ALPK3: variants seen among roughly 807,000 people sequenced by gnomAD.
ALPK3 encodes the protein alpha-protein kinase 3.
A neutral mutation model predicts 140.0 loss-of-function variants in ALPK3; 102 were observed. That is an observed-to-expected ratio of 0.73 (90% confidence interval 0.62 to 0.86). ALPK3 has a LOEUF of 0.86. Among genes scored for constraint, ALPK3 ranks in the 40% least tolerant of loss-of-function variants. The pLI, the probability that ALPK3 is intolerant of heterozygous loss-of-function variation, is 0.00. For missense variants in ALPK3, 2,254 were observed against 2,208.2 expected (o/e 1.02, Z -0.42); for synonymous variants, 938 against 898.5 (o/e 1.04, Z -0.79).
Position 84,839,707 on chromosome 15 carries a change from GAGA to G in ALPK3, c.435_437del (p.Glu145del). The G allele has an allele frequency of 6.2e-7, 1 of 1,601,840 alleles. No individual in the cohort carries two copies. The highest frequency in any genetic ancestry group is 8.5e-7 in the Non-Finnish European group (1 of 1,172,492). The stretch of plus-strand genomic sequence containing the variant: ...CCTCCCGCTCCTACCTCTAGGTGTC[GAGA>G]AGAAGATGCCGCCATCTACCAGGCC... On this transcript the variant is annotated inframe_deletion, in exon 5 of 14. Coordinates refer to ENST00000258888, the MANE Select transcript of ALPK3 (RefSeq NM_020778.5).
At chr15:84,841,231 A>G (rs896537032) in intron 5 of ALPK3, among the ~76,000 whole-genome samples, 1 of 152,160 alleles carries the variant, frequency 6.6e-6, no homozygotes, top group Non-Finnish European at 1.5e-5. Flanking sequence ...TGGGGTGGGA[A>G]AGGGGGCCAG....
Position 84,867,382 on chromosome 15 carries a change from G to A in ALPK3, c.4772+17G>A. The stretch of plus-strand genomic sequence containing the variant: ...ACTCCGAGGGTGAGTGGTTCTTGGG[G>A]ACAGAATGCCCTCTGGGCGTCTTCT... On this transcript the variant is annotated intron_variant, in intron 13 of 13. Transcript: ENST00000258888. 6.2e-7 allele frequency: 1 copy of A among 1,613,778 alleles called. No homozygotes were observed. Among genetic ancestry groups the A allele is most frequent in the Non-Finnish European group, 8.5e-7 (1 of 1,179,788 alleles).
intron 5 of ALPK3, among the ~76,000 whole-genome samples, chr15:84,848,973 C>G (rs1164940906): frequency 6.6e-6 from 1 of 152,064 alleles, no homozygotes; most frequent in African/African-American, 2.4e-5. Flanking sequence ...GAAAACCCAT[C>G]TCTACTAAAA....
chr15:84,858,385 C>T lies in ALPK3; in HGVS notation c.3647C>T (p.Thr1216Met), dbSNP rs767667447. The change falls in exon 6 of 14, where the codon ACG (threonine) becomes ATG (methionine). Residue 1216 changes from threonine (T) to methionine (M), a missense_variant. Thr to Met is a moderately conservative substitution (Grantham distance 81). Transcript: ENST00000258888. ...CCAGGGCGGGAGAGACGCTCCCCTA[C>T]GCAGGGCAGAAAGGCGAGCATGCTG... ...GTPGRERRSP[T>M]QGRKASMLEV... is the part of the protein sequence containing the mutation. 7.8e-5 allele frequency: 121 copies of T among 1,554,400 alleles called. No individual in the cohort carries two copies. Among genetic ancestry groups the T allele is most frequent in the African/African-American group, 2.3e-4 (17 of 73,618 alleles).
At chr15:84,859,194 T>C (rs1331558856) in intron 6 of ALPK3, 49 bp from the exon 7 acceptor site, 12 of 1,609,830 alleles carry the variant, frequency 7.5e-6, no homozygotes, top group Non-Finnish European at 1.0e-5. Context: ...AGCAAGGATA[T>C]GGCCAGAGGA....
Position 84,858,099 on chromosome 15 carries a change from C to A in ALPK3, c.3361C>A (p.Gln1121Lys). The change falls in exon 6 of 14, where the codon CAG becomes AAG. Residue 1121 changes from glutamine to lysine, a missense_variant. By Grantham distance (53) the Gln-to-Lys change is moderately conservative. This residue lies in a region of ALPK3 where 2,088 missense variants were observed against 2,022.9 expected (regional missense o/e 1.03). Transcript: ENST00000258888. ...MAGRLGEAGG[Q>K]AAPGQGPSAE... ...TGGTCGACTGGGGGAGGCGGGTGGG[C>A]AGGCAGCCCCTGGACAGGGGCCCTC... 2 of 1,569,068 alleles carry A rather than the reference C, an allele frequency of 1.3e-6. No homozygotes were observed. The highest frequency in any genetic ancestry group is 1.7e-6 in the Non-Finnish European group (2 of 1,161,000).
rs568517208 is a variant in ALPK3, at chr15:84,827,592, C to A, written c.291C>A (p.Thr97=). 11 of 1,614,116 alleles carry A rather than the reference C, an allele frequency of 6.8e-6. No homozygotes were observed. The highest frequency in any genetic ancestry group is 6.7e-5 in the African/African-American group (5 of 75,072). ...SVSEDSDVRF[T]CIVTGYPEPE... ...CCGAGGACAGCGACGTCAGGTTCACCTGCATCGTCACAGGTAAGGATGCTG... is the reference window on the plus strand; with the variant it reads ...CCGAGGACAGCGACGTCAGGTTCACATGCATCGTCACAGGTAAGGATGCTG... The change falls in exon 3 of 14, where the codon ACC becomes ACA. Residue 97 remains threonine (T), a synonymous_variant. Coordinates refer to ENST00000258888, the MANE Select transcript of ALPK3 (RefSeq NM_020778.5).
chr15:84,852,724 G>C (rs1320501874), intron 5 of ALPK3: 2 of 176,052 alleles, frequency 1.1e-5, no homozygotes, highest in Non-Finnish European at 2.4e-5. Flanking sequence ...AATAAGAAGG[G>C]GCTACTGTGT....
At chr15:84,827,745 C>T in intron 3 of ALPK3, 140 bp downstream of exon 3, 3 of 1,284,320 alleles carry the variant, frequency 2.3e-6, no homozygotes, top group Non-Finnish European at 3.2e-6. Flanking sequence ...TGAGCTTTCT[C>T]TCTAGTTTAA....
rs1027903335 is a variant in ALPK3 at position 84,872,110 on chromosome 15, C to A, written c.*3654C>A. Reference sequence around the variant, plus strand: ...CGACAGTGTACCGTTGATAATGGAACGCACTGGCCATGCCAGACTTTATGG... The same window carrying A: ...CGACAGTGTACCGTTGATAATGGAAAGCACTGGCCATGCCAGACTTTATGG... On this transcript the variant is annotated 3_prime_UTR_variant, in exon 14 of 14. Transcript: ENST00000258888. The A allele has an allele frequency of 2.0e-5, 3 of 152,272 alleles. No individual in the cohort carries two copies. The highest frequency in any genetic ancestry group is 7.2e-5 in the African/African-American group (3 of 41,462). 9.4% of individuals were successfully genotyped at this position (152,272 alleles called of 1,614,324 possible).
Position 84,856,673 on chromosome 15 carries a change from A to G in ALPK3, c.1935A>G (p.Thr645=). Reference sequence around the variant, plus strand: ...GGAAGACGCAGGTGGATGCTGGGACACAAGAAAGCAAGAGGCCACAGTCAG... The same window carrying G: ...GGAAGACGCAGGTGGATGCTGGGACGCAAGAAAGCAAGAGGCCACAGTCAG... ...ADRKTQVDAG[T]QESKRPQSDR... is the part of the protein sequence containing the mutation. Residue 645 remains threonine, a synonymous_variant, in exon 6 of 14, where the codon ACA becomes ACG. Coordinates refer to ENST00000258888, the MANE Select transcript of ALPK3 (RefSeq NM_020778.5). 1 of 1,614,128 alleles carries G rather than the reference A, an allele frequency of 6.2e-7. No homozygotes were observed. Among genetic ancestry groups the G allele is most frequent in the Non-Finnish European group, 8.5e-7 (1 of 1,180,030 alleles).
At chr15:84,843,517 C>T (rs1384392607) in intron 5 of ALPK3, among the ~76,000 whole-genome samples, 1 of 152,106 alleles carries the variant, frequency 6.6e-6, no homozygotes, top group East Asian at 1.9e-4. Context: ...GGTTGGGACT[C>T]TGAAGGTTTG....
chr15:84,838,209 C>T (rs895002252), intron 3 of ALPK3, among the ~76,000 whole-genome samples: 1 of 152,114 alleles, frequency 6.6e-6, no homozygotes, highest in East Asian at 1.9e-4. Context: ...TTCAAATAAT[C>T]CTAACAGCTC....
At chr15:84,851,584 TG>T (rs1963802871) in intron 5 of ALPK3, among the ~76,000 whole-genome samples, 1 of 152,228 alleles carries the variant, frequency 6.6e-6, no homozygotes, top group African/African-American at 2.4e-5. Context: ...GCAGGTTCTT[TG>T]GGCATCCTTC....
rs1359709773 is a variant in ALPK3 at position 84,840,699 on chromosome 15, C to T, written c.1420C>T (p.Pro474Ser). 2 of 1,609,770 alleles carry T rather than the reference C, an allele frequency of 1.2e-6. No individual in the cohort carries two copies. Among genetic ancestry groups the T allele is most frequent in the East Asian group, 2.2e-5 (1 of 44,864 alleles). Reference sequence around the variant, plus strand: ...GCCCACACACTCCTTGACCCCCCAGCCGACTAGGCCTTTCAACAGAAAGAG... The same window carrying T: ...GCCCACACACTCCTTGACCCCCCAGTCGACTAGGCCTTTCAACAGAAAGAG... ...GQPTHSLTPQ[P>S]TRPFNRKRFA... Residue 474 changes from proline (P) to serine (S), a missense_variant, in exon 5 of 14, where the codon CCG becomes TCG. Transcript: ENST00000258888.
intron 9 of ALPK3, among the ~76,000 whole-genome samples, 164 bp from the exon 10 acceptor site, chr15:84,862,471 T>C (rs1171226958): frequency 6.6e-6 from 1 of 152,058 alleles, no homozygotes; most frequent in Non-Finnish European, 1.5e-5. Flanking sequence ...AAGGAGCTCA[T>C]AGTCTGGTGG....
intron 5 of ALPK3, among the ~76,000 whole-genome samples, chr15:84,853,663 G>A (rs1355712774): frequency 6.6e-6 from 1 of 152,152 alleles, no homozygotes; most frequent in African/African-American, 2.4e-5. Context: ...CAGCTATTTG[G>A]GAGGCTGAGG....
chr15:84,849,514 A>G (rs1292484636), intron 5 of ALPK3, among the ~76,000 whole-genome samples: 1 of 152,236 alleles, frequency 6.6e-6, no homozygotes, highest in Non-Finnish European at 1.5e-5. Context: ...ATCCTGGACC[A>G]TAATATAAAT....
rs570506874 is a variant in ALPK3 at position 84,818,103 on chromosome 15, G to C, written c.143+508G>C. Among the ~76,000 whole-genome samples the C allele has an allele frequency of 2.0e-5, 3 of 152,204 alleles. No homozygotes were observed. In the East Asian group the frequency reaches 5.8e-4, roughly 29 times the overall value. On this transcript the variant is annotated intron_variant, in intron 1 of 13. Coordinates refer to ENST00000258888, the MANE Select transcript of ALPK3 (RefSeq NM_020778.5). The stretch of plus-strand genomic sequence containing the variant: ...CTTTGTAAATAAGGTTCCTCTACTG[G>C]GCCGAGGACTTGGGTCCTCCCCAGG...
Sources: gnomAD v4.1 joint callset for allele counts (sites outside exome capture counted in the v4.1 genomes callset) on GRCh38, gnomAD v4.1.1 for gene constraint, gnomAD v4.1.1 regional missense constraint, MANE v1.5 for transcripts, NCBI Gene and HGNC (gene_info 2026-07-23, HGNC 2026-07-21) for gene names.